Variants in LRP1B observed in about 807,000 individuals in gnomAD.
LRP1B encodes low-density lipoprotein receptor-related protein 1B.
A neutral mutation model predicts 556.6 loss-of-function variants in LRP1B; 217 were observed. The observed-to-expected ratio is 0.39, with a 90% CI of 0.35 to 0.44. LRP1B has a LOEUF of 0.44. Ranked by LOEUF, LRP1B falls within the 20% of genes least tolerant of loss-of-function variation. LRP1B has a pLI of 1.00. For synonymous variants in LRP1B, 2,047 were observed against 1,865.8 expected (o/e 1.10, Z -2.50); for missense variants, 5,053 against 5,620.8 (o/e 0.90, Z 3.23).
At chr2:141,038,702 G>A (rs892416420) in intron 11 of LRP1B, among the ~76,000 whole-genome samples, 2 of 151,996 alleles carry the variant, frequency 1.3e-5, no homozygotes, top group African/African-American at 4.8e-5. Context: ...ATATTGTATT[G>A]AGAAATTCGT....
chr2:141,937,250 G>A lies in LRP1B; in HGVS notation c.83-126849C>T, dbSNP rs191782246. On this transcript the variant is annotated intron_variant, in intron 1 of 90. Coordinates refer to ENST00000389484, the MANE Select transcript of LRP1B (RefSeq NM_018557.3). ...AAATTAGCCGGGTGTGGTGGTGGGC[G>A]CCTGTAGTCCCAGCTACTGGGAGAG... 3.0e-3 allele frequency among the ~76,000 whole-genome samples: 459 copies of A among 151,906 alleles called. 2 individuals carry two copies. Among genetic ancestry groups the A allele is most frequent in the African/African-American group, 0.01 (424 of 41,470 alleles).
intron 7 of LRP1B, among the ~76,000 whole-genome samples, chr2:141,072,605 G>A (rs1699678163): frequency 6.6e-6 from 1 of 151,762 alleles, no homozygotes; most frequent in Non-Finnish European, 1.5e-5. Context: ...TCAGTCTCAG[G>A]TACTCCCTCT....
At chr2:140,679,967 TTTA>T (rs1685805396) in intron 41 of LRP1B, among the ~76,000 whole-genome samples, 1 of 152,040 alleles carries the variant, frequency 6.6e-6, no homozygotes, top group East Asian at 1.9e-4. Context: ...TATTTATTTA[TTTA>T]TTTTTTGATC....
rs1388383729 is a variant in LRP1B at position 141,639,456 on chromosome 2, C to T, written c.206-158923G>A. 2.7e-5 allele frequency among the ~76,000 whole-genome samples: 4 copies of T among 146,072 alleles called. No individual in the cohort carries two copies. In the East Asian group the frequency reaches 8.1e-4, roughly 30 times the overall value. On this transcript the variant is annotated intron_variant, in intron 2 of 90. Transcript: ENST00000389484. ...TGAGACAGAGTCTCACTCTGTCACC[C>T]AGGCTAGAGTGCAGCAGTGGCATGA...
intron 32 of LRP1B, among the ~76,000 whole-genome samples, chr2:140,806,687 C>T (rs1471823391): frequency 6.6e-6 from 1 of 152,142 alleles, no homozygotes; most frequent in African/African-American, 2.4e-5. Flanking sequence ...TCTATTTAGA[C>T]ATACTGACTT....
intron 2 of LRP1B, among the ~76,000 whole-genome samples, chr2:141,787,191 C>T (rs1004449553): frequency 6.6e-6 from 1 of 151,872 alleles, no homozygotes; most frequent in Non-Finnish European, 1.5e-5. Flanking sequence ...GGAAGTTTCT[C>T]ATAAATTTAT....
intron 2 of LRP1B, among the ~76,000 whole-genome samples, chr2:141,761,358 T>C (rs1327333909): frequency 1.1e-4 from 3 of 28,298 alleles, no homozygotes; most frequent in Non-Finnish European, 3.4e-4. Flanking sequence ...CAATCCTAAG[T>C]CAAAAAAAAA....
intron 11 of LRP1B, among the ~76,000 whole-genome samples, chr2:141,021,298 C>G (rs1475107721): frequency 6.6e-6 from 1 of 151,896 alleles, no homozygotes; most frequent in African/African-American, 2.4e-5. Context: ...CCCTTGTAAC[C>G]CTTGTTGCTA....
chr2:140,759,444 T>G (rs1688844809), intron 35 of LRP1B, among the ~76,000 whole-genome samples: 1 of 152,306 alleles, frequency 6.6e-6, no homozygotes, highest in Middle Eastern at 3.4e-3. Context: ...TTCAGTAAAA[T>G]TAAATAATAA....
chr2:141,286,164 A>G (rs1021815902), intron 3 of LRP1B, among the ~76,000 whole-genome samples: 1 of 152,004 alleles, frequency 6.6e-6, no homozygotes, highest in African/African-American at 2.4e-5. Flanking sequence ...TGAAATATTA[A>G]TCATCATGTG....
intron 1 of LRP1B, among the ~76,000 whole-genome samples, chr2:141,923,549 GT>G (rs371447352): frequency 1.8e-4 from 27 of 146,766 alleles, no homozygotes; most frequent in African/African-American, 5.8e-4. Context: ...CTGTATTTCA[GT>G]TTTTTCTTAC....
At chr2:141,759,307 G>A (rs1012691565) in intron 2 of LRP1B, among the ~76,000 whole-genome samples, 5 of 152,078 alleles carry the variant, frequency 3.3e-5, no homozygotes, top group African/African-American at 1.2e-4. Flanking sequence ...CCTGATAGAA[G>A]GGCAACATTT....
At chr2:142,074,706 G>A (rs1260124976) in intron 1 of LRP1B, among the ~76,000 whole-genome samples, 3 of 151,934 alleles carry the variant, frequency 2.0e-5, no homozygotes, top group Admixed American at 2.0e-4. Context: ...AGGCCTTAGG[G>A]TTTCCTCTTC....
At chr2:140,827,420 A>C (rs977615580) in intron 31 of LRP1B, among the ~76,000 whole-genome samples, 1 of 152,038 alleles carries the variant, frequency 6.6e-6, no homozygotes, top group Non-Finnish European at 1.5e-5. Context: ...CAAATAATAA[A>C]ATAATAATTT....
chr2:141,071,124 A>C (rs1322072563), intron 7 of LRP1B, among the ~76,000 whole-genome samples: 1 of 151,700 alleles, frequency 6.6e-6, no homozygotes, highest in Non-Finnish European at 1.5e-5. Flanking sequence ...CTGGCACACC[A>C]AATCCAGCAG....
At chr2:141,733,387 T>A (rs1369227919) in intron 2 of LRP1B, among the ~76,000 whole-genome samples, 1 of 152,084 alleles carries the variant, frequency 6.6e-6, no homozygotes, top group Non-Finnish European at 1.5e-5. Flanking sequence ...ACTATCACTC[T>A]GATACACTGG....
intron 18 of LRP1B, among the ~76,000 whole-genome samples, chr2:140,964,399 C>A (rs939370619): frequency 1.3e-5 from 2 of 152,024 alleles, no homozygotes; most frequent in African/African-American, 4.8e-5. Flanking sequence ...CTAAACTCCC[C>A]CAGGGAAAGG....
At chr2:141,396,820 T>C (rs552206584) in intron 3 of LRP1B, among the ~76,000 whole-genome samples, 1 of 152,000 alleles carries the variant, frequency 6.6e-6, no homozygotes, top group South Asian at 2.1e-4. Flanking sequence ...AGACCAGACA[T>C]ACAAATAAAA....
intron 32 of LRP1B, among the ~76,000 whole-genome samples, chr2:140,805,847 G>C (rs1690694915): frequency 1.3e-5 from 2 of 152,106 alleles, no homozygotes; most frequent in Admixed American, 6.5e-5. Flanking sequence ...ATATGTGCTT[G>C]TGTACGTATG....
Sources: gnomAD v4.1 joint callset for allele counts (sites outside exome capture counted in the v4.1 genomes callset) on GRCh38, gnomAD v4.1.1 for gene constraint, MANE v1.5 for transcripts, NCBI Gene and HGNC (gene_info 2026-07-23, HGNC 2026-07-21) for gene names.